Variants in ANKRD36B observed in about 807,000 individuals in gnomAD.
The protein encoded by ANKRD36B is ankyrin repeat domain 36B, also known as ankyrin repeat domain-containing protein 36B.
A neutral mutation model predicts 135.7 loss-of-function variants in ANKRD36B; 37 were observed. That is an observed-to-expected ratio of 0.27 (90% confidence interval 0.21 to 0.36). The LOEUF (loss-of-function observed/expected upper bound fraction) is 0.36. Among genes scored for constraint, ANKRD36B ranks in the 10% least tolerant of loss-of-function variants. The pLI is 1.00. For synonymous variants in ANKRD36B, 179 were observed against 348.1 expected, an observed-to-expected ratio of 0.51 and a Z score of 5.41; for missense variants, 549 against 1,037.1, an observed-to-expected ratio of 0.53 and a Z score of 6.46.
chr2:97,547,804 T>C (rs1344830602), intron 20 of ANKRD36B, 73 bp from the exon 21 acceptor site: 3 of 1,523,774 alleles, frequency 2.0e-6, no homozygotes, highest in African/African-American at 1.4e-5. Flanking sequence ...CACGCAGTGT[T>C]AGCATCAACC....
At chr2:97,494,420 G>C (rs1576745915) in intron 43 of ANKRD36B, among the ~76,000 whole-genome samples, 2 of 106,800 alleles carry the variant, frequency 1.9e-5, no homozygotes, top group East Asian at 4.2e-4. Context: ...CATGGCTAGA[G>C]AGGTAGGAAG....
chr2:97,580,169 C>A (rs2922611), intron 4 of ANKRD36B, among the ~76,000 whole-genome samples: 5 of 152,250 alleles, frequency 3.3e-5, no homozygotes, highest in African/African-American at 4.8e-5. Flanking sequence ...ACCACATCAT[C>A]TTACAAATAA....
At chr2:97,547,869 G>A in intron 20 of ANKRD36B, 138 bp from the exon 21 acceptor site, 2 of 1,322,866 alleles carry the variant, frequency 1.5e-6, no homozygotes, top group African/African-American at 1.5e-5. Context: ...TTTGTGTCTG[G>A]GGACTAGAAC....
chr2:97,564,142 T>C (rs1274375372), intron 6 of ANKRD36B, among the ~76,000 whole-genome samples: 5 of 151,922 alleles, frequency 3.3e-5, no homozygotes, highest in South Asian at 2.1e-4. Context: ...AATGTGCATT[T>C]GGGTGATTTC....
At chr2:97,512,993 T>C (rs2077608424) in intron 38 of ANKRD36B, among the ~76,000 whole-genome samples, 187 bp downstream of exon 38, 1 of 134,280 alleles carries the variant, frequency 7.4e-6, no homozygotes, top group South Asian at 2.2e-4. Context: ...AAAAGGCCTT[T>C]GAACTAAAAT....
At chr2:97,558,187 C>T (rs1470531792) in intron 10 of ANKRD36B, among the ~76,000 whole-genome samples, 1 of 152,008 alleles carries the variant, frequency 6.6e-6, no homozygotes, top group Non-Finnish European at 1.5e-5. Flanking sequence ...TGGTTTATCC[C>T]AGTTCTAGTA....
Position 97,532,962 on chromosome 2 carries a change from G to A in ANKRD36B, c.2192-578C>T, listed in dbSNP as rs1419648507. 3.2e-5 allele frequency among the ~76,000 whole-genome samples: 3 copies of A among 95,018 alleles called. 1 individual carries two copies. Among genetic ancestry groups the A allele is most frequent in the South Asian group, 2.4e-4 (1 of 4,222 alleles). The allele number at this position is 95,018 out of a possible 152,430, so 62.3% of individuals were successfully genotyped here. ...CAATGAACAAAACCATCAGAAATAA[G>A]ACAAAATGTAAAAATCCAATAGAAA... On this transcript the variant is annotated intron_variant, in intron 34 of 43. Coordinates refer to ENST00000359901, the MANE Select transcript of ANKRD36B (RefSeq NM_001393939.1).
chr2:97,569,654 GA>G (rs919197222), intron 6 of ANKRD36B, among the ~76,000 whole-genome samples: 1 of 148,186 alleles, frequency 6.7e-6, no homozygotes, highest in Admixed American at 6.8e-5. Context: ...CGTGAGGGGG[GA>G]TGGCGTATGT....
rs148693190 is a variant in ANKRD36B at position 97,565,140 on chromosome 2, G to A, written c.764-4280C>T. Among the ~76,000 whole-genome samples the A allele has an allele frequency of 1.1e-4, 17 of 152,132 alleles. No individual in the cohort carries two copies. In the East Asian group the frequency reaches 3.1e-3, roughly 28 times the overall value. ...ATTCTCTTTGTAGCAATTGTGTATC[G>A]GATTTCACTCATGATTTAGCACTCT... On this transcript the variant is annotated intron_variant, in intron 6 of 43. Transcript: ENST00000359901.
intron 5 of ANKRD36B, among the ~76,000 whole-genome samples, chr2:97,576,783 T>G (rs901235272): frequency 6.6e-6 from 1 of 151,992 alleles, no homozygotes; most frequent in African/African-American, 2.4e-5. Context: ...GCACAATGTC[T>G]TCTTCTAGAT....
intron 35 of ANKRD36B, among the ~76,000 whole-genome samples, chr2:97,530,557 G>A (rs1479181900): frequency 1.0e-5 from 1 of 96,074 alleles, no homozygotes; most frequent in Non-Finnish European, 2.8e-5. Context: ...TGACAGATGG[G>A]ATCTAATTAA....
intron 6 of ANKRD36B, among the ~76,000 whole-genome samples, chr2:97,566,056 G>A (rs1283865709): frequency 6.6e-6 from 1 of 151,870 alleles, no homozygotes; most frequent in Non-Finnish European, 1.5e-5. Flanking sequence ...GCTCATGGCT[G>A]TGATCTCAGC....
chr2:97,547,246 T>C (rs566975591), intron 22 of ANKRD36B: 66 of 328,448 alleles, frequency 2.0e-4, no homozygotes, highest in South Asian at 1.7e-3. Context: ...GAAAACAAGC[T>C]GGAGAATTAA....
intron 4 of ANKRD36B, among the ~76,000 whole-genome samples, 177 bp downstream of exon 4, chr2:97,580,285 C>G (rs979723645): frequency 2.0e-5 from 3 of 152,174 alleles, no homozygotes; most frequent in Admixed American, 6.5e-5. Context: ...TTATGTTACT[C>G]AGTCCAAATA....
chr2:97,582,135 C>T (rs2082673705), intron 3 of ANKRD36B, among the ~76,000 whole-genome samples: 2 of 151,750 alleles, frequency 1.3e-5, no homozygotes, highest in South Asian at 2.1e-4. Flanking sequence ...GGAGGCAATG[C>T]TGAAGAGAAA....
chr2:97,559,555 AT>A (rs1299924679), intron 8 of ANKRD36B, among the ~76,000 whole-genome samples: 1 of 151,920 alleles, frequency 6.6e-6, no homozygotes, highest in Non-Finnish European at 1.5e-5. Context: ...AATATTCATT[AT>A]TTCTCACACC....
intron 6 of ANKRD36B, among the ~76,000 whole-genome samples, chr2:97,573,503 A>C (rs567674342): frequency 3.9e-4 from 59 of 152,262 alleles, no homozygotes; most frequent in African/African-American, 1.1e-3. Flanking sequence ...CCATCAAGCT[A>C]TCAATGACTT....
chr2:97,551,623 T>G (rs560235954), intron 16 of ANKRD36B, 143 bp from the exon 17 acceptor site: 8 of 1,389,640 alleles, frequency 5.8e-6, no homozygotes, highest in African/African-American at 1.4e-5. Context: ...GTCTGGGGAT[T>G]AGAACATGAC....
Position 97,535,014 on chromosome 2 carries a change from CA to C in ANKRD36B, c.2191+1285del, listed in dbSNP as rs561450669. Among the ~76,000 whole-genome samples the C allele has an allele frequency of 2.6e-4, 25 of 96,034 alleles. 1 individual carries two copies. The highest frequency in any genetic ancestry group is 9.2e-4 in the East Asian group (4 of 4,328). The allele number at this position is 96,034 out of a possible 152,430, so 63.0% of individuals were successfully genotyped here. A position where few individuals can be genotyped will look rare whatever the true frequency, so the allele number is the denominator to read the frequency against. On this transcript the variant is annotated intron_variant, in intron 34 of 43. Coordinates refer to ENST00000359901, the MANE Select transcript of ANKRD36B (RefSeq NM_001393939.1). ...TGAAAGAATAAGATCCTCTCATTCG[CA>C]ATGACATGGATGGAACAGGAGGACA...
Sources: allele counts gnomAD v4.1 joint callset (sites outside exome capture counted in the v4.1 genomes callset), GRCh38; gene constraint gnomAD v4.1.1; transcripts MANE v1.5; gene names NCBI Gene and HGNC (gene_info 2026-07-23, HGNC 2026-07-21).